Variants in GRID2 observed in about 807,000 individuals in gnomAD.
GRID2 encodes glutamate ionotropic receptor delta type subunit 2, also known as glutamate receptor ionotropic, delta-2.
A neutral mutation model predicts 114.8 loss-of-function variants in GRID2; 33 were observed. The ratio of observed to expected loss-of-function variants is 0.29; its 90% confidence interval spans 0.22 to 0.38. GRID2 has a LOEUF of 0.38. GRID2 is among the 10% of genes least tolerant of loss of function. The pLI is 1.00. For missense variants in GRID2, 1,184 were observed against 1,257.7 expected, an observed-to-expected ratio of 0.94 and a Z score of 0.89; for synonymous variants, 505 against 449.9, an observed-to-expected ratio of 1.12 and a Z score of -1.55.
chr4:92,813,371 G>A (rs1010296821), intron 2 of GRID2, among the ~76,000 whole-genome samples: 1 of 152,108 alleles, frequency 6.6e-6, no homozygotes, highest in African/African-American at 2.4e-5. Context: ...CAGAAAGAGA[G>A]CAAGCTATAC....
At chr4:93,648,034 T>C (rs1311920091) in intron 14 of GRID2, among the ~76,000 whole-genome samples, 1 of 152,172 alleles carries the variant, frequency 6.6e-6, no homozygotes, top group Non-Finnish European at 1.5e-5. Context: ...ATGGCTGAGC[T>C]AGGATTTGAA....
chr4:93,270,209 CACACAT>C (rs1489710257), intron 8 of GRID2, among the ~76,000 whole-genome samples: 5 of 110,122 alleles, frequency 4.5e-5, no homozygotes, highest in African/African-American at 2.0e-4. Context: ...CTCTCTCACA[CACACAT>C]ACACACACAC....
At chr4:92,793,284 A>G (rs760052319) in intron 2 of GRID2, among the ~76,000 whole-genome samples, 1 of 151,762 alleles carries the variant, frequency 6.6e-6, no homozygotes, top group African/African-American at 2.4e-5. Flanking sequence ...TTTTATGCCA[A>G]AGGAAGTCTC....
At chr4:92,958,753 C>T (rs1752597242) in intron 2 of GRID2, among the ~76,000 whole-genome samples, 1 of 152,032 alleles carries the variant, frequency 6.6e-6, no homozygotes, top group Admixed American at 6.6e-5. Flanking sequence ...GGTATAATTT[C>T]TTCCTTGAAT....
intron 1 of GRID2, among the ~76,000 whole-genome samples, chr4:92,505,815 A>G (rs866098932): frequency 1.2e-4 from 19 of 152,142 alleles, no homozygotes; most frequent in Middle Eastern, 6.8e-3. Context: ...AGAGCTTTAT[A>G]TTGATATACA....
intron 2 of GRID2, among the ~76,000 whole-genome samples, chr4:92,630,038 T>C (rs563252373): frequency 2.0e-5 from 3 of 151,872 alleles, no homozygotes; most frequent in Admixed American, 2.0e-4. Flanking sequence ...CAGATAATTA[T>C]AACAGTGTGA....
intron 2 of GRID2, among the ~76,000 whole-genome samples, chr4:92,670,754 T>C (rs1733018779): frequency 6.6e-6 from 1 of 152,066 alleles, no homozygotes; most frequent in Non-Finnish European, 1.5e-5. Context: ...ATAAGCATTC[T>C]TTGAAGTAGG....
chr4:93,393,666 T>G (rs573480794), intron 8 of GRID2, among the ~76,000 whole-genome samples: 247 of 152,124 alleles, frequency 1.6e-3, no homozygotes, highest in African/African-American at 5.6e-3. Context: ...CTGAGGAAAC[T>G]GGAAATTATA....
chr4:93,645,600 C>T (rs918848554), intron 14 of GRID2, among the ~76,000 whole-genome samples: 2 of 152,144 alleles, frequency 1.3e-5, no homozygotes, highest in African/African-American at 4.8e-5. Flanking sequence ...CTAATTAAAT[C>T]TCTTAGCACA....
chr4:92,590,443 T>C (rs1032049564), intron 2 of GRID2, among the ~76,000 whole-genome samples, 157 bp downstream of exon 2: 1 of 152,214 alleles, frequency 6.6e-6, no homozygotes, highest in African/African-American at 2.4e-5. Flanking sequence ...GATGTTAATC[T>C]TGTATTCCAG....
intron 2 of GRID2, among the ~76,000 whole-genome samples, chr4:92,703,617 T>TTATATATATATA (rs3971001): frequency 3.5e-4 from 50 of 140,994 alleles, no homozygotes; most frequent in African/African-American, 1.2e-3. Context: ...AGGAAAAACA[T>TTATATATATATA]TATATATATA....
intron 2 of GRID2, among the ~76,000 whole-genome samples, chr4:92,608,616 T>C (rs1232139324): frequency 1.3e-5 from 2 of 151,876 alleles, no homozygotes; most frequent in Non-Finnish European, 2.9e-5. Context: ...CAGAGTGTCA[T>C]GGTGCTGTGC....
intron 1 of GRID2, among the ~76,000 whole-genome samples, chr4:92,503,354 G>C (rs1723786948): frequency 6.6e-6 from 1 of 152,014 alleles, no homozygotes; most frequent in African/African-American, 2.4e-5. Context: ...AAGTTATCAA[G>C]ATACAGCATA....
chr4:92,333,466 C>G (rs761391198), intron 1 of GRID2, among the ~76,000 whole-genome samples: 2 of 152,106 alleles, frequency 1.3e-5, no homozygotes, highest in African/African-American at 2.4e-5. Context: ...TTGAATAGCA[C>G]CTGACTGCCT....
At chr4:93,145,635 TCTTTTTTC>T (rs1736145326) in intron 4 of GRID2, among the ~76,000 whole-genome samples, 12 of 145,042 alleles carry the variant, frequency 8.3e-5, no homozygotes, top group Non-Finnish European at 1.5e-5. Context: ...GTTTTGTATT[TCTTTTTTC>T]CTTTTTTTTT....
chr4:93,409,197 A>C (rs1766848707), intron 9 of GRID2, among the ~76,000 whole-genome samples: 1 of 152,048 alleles, frequency 6.6e-6, no homozygotes, highest in Admixed American at 6.5e-5. Context: ...ACAGGAGAAA[A>C]GAAAAGGTTA....
chr4:93,759,780 T>C (rs1182025473), intron 14 of GRID2, among the ~76,000 whole-genome samples: 1 of 152,194 alleles, frequency 6.6e-6, no homozygotes, highest in Admixed American at 6.5e-5. Context: ...CATAAAGATG[T>C]GTCATACAAA....
intron 1 of GRID2, among the ~76,000 whole-genome samples, chr4:92,361,666 AG>A (rs1257076363): frequency 6.6e-6 from 1 of 151,960 alleles, no homozygotes; most frequent in Non-Finnish European, 1.5e-5. Flanking sequence ...GGTAGTTGCG[AG>A]GGTCAGTGGA....
rs1579325668 is a variant in GRID2, at chr4:93,219,008, A to G, written c.963+2097A>G. The stretch of plus-strand genomic sequence containing the variant: ...TCCCACCAGGTCCCTCTTATGATAC[A>G]TGGGAATTATGGGAACTACAATTCA... On this transcript the variant is annotated intron_variant, in intron 6 of 15. Transcript: ENST00000282020. Among the ~76,000 whole-genome samples the G allele has an allele frequency of 2.0e-5, 3 of 152,158 alleles. No homozygotes were observed. The East Asian group carries it at 5.8e-4, about 29-fold the overall frequency.
Sources: allele counts gnomAD v4.1 joint callset (sites outside exome capture counted in the v4.1 genomes callset), GRCh38; gene constraint gnomAD v4.1.1; transcripts MANE v1.5; gene names NCBI Gene and HGNC (gene_info 2026-07-23, HGNC 2026-07-21).